Variants in TRAPPC9 observed in about 807,000 individuals in gnomAD.
The protein encoded by TRAPPC9 is trafficking protein particle complex subunit 9.
TRAPPC9 carries 83 observed loss-of-function variants against 124.0 expected under a neutral mutation model. The ratio of observed to expected loss-of-function variants is 0.67; its 90% CI spans 0.56 to 0.80. TRAPPC9 has a LOEUF of 0.80. Ranked by LOEUF, TRAPPC9 falls within the 30% of genes least tolerant of loss-of-function variation. The pLI is 0.00. For missense variants in TRAPPC9, 1,302 were observed against 1,508.3 expected (o/e 0.86, Z 2.27); for synonymous variants, 638 against 617.5 (o/e 1.03, Z -0.49).
At position 140,177,621 on chromosome 8, in the gene TRAPPC9, G is replaced by GA. The variant is rs570498268; in HGVS notation, c.2556+43837dup. Among the ~76,000 whole-genome samples, 335 of 149,888 alleles carry GA rather than the reference G, an allele frequency of 2.2e-3. 1 individual carries two copies. The highest frequency in any genetic ancestry group is 7.6e-3 in the African/African-American group (312 of 40,874). On this transcript the variant is annotated intron_variant, in intron 17 of 22. Coordinates refer to ENST00000438773, the MANE Select transcript of TRAPPC9 (RefSeq NM_001160372.4). ...TTAGAATAAAGCAATCAATTTCTAAGAAAAAAAAACAAGCCTGCTGGAATT... is the reference window on the plus strand; with the variant it reads ...TTAGAATAAAGCAATCAATTTCTAAGAAAAAAAAAACAAGCCTGCTGGAATT...
chr8:140,345,058 A>C (rs1391703118), intron 9 of TRAPPC9, among the ~76,000 whole-genome samples: 1 of 152,176 alleles, frequency 6.6e-6, no homozygotes, highest in African/African-American at 2.4e-5. Context: ...AGGGAAGCGA[A>C]GGCAGGGTGG....
intron 21 of TRAPPC9, among the ~76,000 whole-genome samples, chr8:139,797,598 C>G (rs890194695): frequency 6.6e-6 from 1 of 152,042 alleles, no homozygotes; most frequent in African/African-American, 2.4e-5. Context: ...CTTCTTGTGC[C>G]CTACCTAGGA....
chr8:139,950,746 A>G (rs1020812804), intron 19 of TRAPPC9, among the ~76,000 whole-genome samples: 1 of 152,198 alleles, frequency 6.6e-6, no homozygotes, highest in African/African-American at 2.4e-5. Flanking sequence ...CAACTTAAAC[A>G]CTGGTGAAAA....
intron 21 of TRAPPC9, among the ~76,000 whole-genome samples, chr8:139,772,829 T>C (rs1821070683): frequency 6.6e-6 from 1 of 151,762 alleles, no homozygotes; most frequent in Non-Finnish European, 1.5e-5. Flanking sequence ...GGTGTCATTA[T>C]AAGAGGAGAT....
chr8:140,342,093 G>A (rs2067212164), intron 9 of TRAPPC9, among the ~76,000 whole-genome samples: 1 of 152,222 alleles, frequency 6.6e-6, no homozygotes, highest in Non-Finnish European at 1.5e-5. Context: ...AGAAGTGGCA[G>A]AGTCCAGGCT....
At chr8:140,358,355 G>A (rs2132163199) in intron 9 of TRAPPC9, among the ~76,000 whole-genome samples, 1 of 152,292 alleles carries the variant, frequency 6.6e-6, no homozygotes, top group South Asian at 2.1e-4. Context: ...ACAGGGGCCT[G>A]CCACCATGCC....
chr8:140,145,101 C>G (rs774207312), intron 17 of TRAPPC9, among the ~76,000 whole-genome samples: 1 of 151,892 alleles, frequency 6.6e-6, no homozygotes, highest in Non-Finnish European at 1.5e-5. Context: ...GTCTCAAACT[C>G]CTGACCTCAG....
intron 6 of TRAPPC9, 145 bp from the exon 7 acceptor site, chr8:140,397,890 G>C: frequency 1.9e-6 from 2 of 1,066,286 alleles, no homozygotes; most frequent in South Asian, 2.6e-5. Context: ...ATATGGTTTG[G>C]TTCTGTGTCC....
chr8:140,135,615 G>A (rs1001949695), intron 17 of TRAPPC9, among the ~76,000 whole-genome samples: 1 of 152,184 alleles, frequency 6.6e-6, no homozygotes, highest in Non-Finnish European at 1.5e-5. Flanking sequence ...TAGATTAGAG[G>A]TTACCAGGTG....
intron 22 of TRAPPC9, among the ~76,000 whole-genome samples, chr8:139,731,608 C>T (rs530608417): frequency 7.2e-5 from 11 of 152,082 alleles, no homozygotes; most frequent in African/African-American, 2.4e-4. Context: ...GGGCTGAGGG[C>T]GTAGGGCTGG....
chr8:139,889,819 G>A (rs1348306603), intron 20 of TRAPPC9, among the ~76,000 whole-genome samples: 4 of 152,202 alleles, frequency 2.6e-5, no homozygotes, highest in African/African-American at 9.6e-5. Context: ...CAGCCCCCCT[G>A]CGGCCCCCTC....
chr8:140,218,941 C>T (rs1350068438), intron 17 of TRAPPC9, among the ~76,000 whole-genome samples: 3 of 151,100 alleles, frequency 2.0e-5, no homozygotes, highest in Non-Finnish European at 4.4e-5. Flanking sequence ...GCCTAGGTGA[C>T]AGAACGAGAC....
chr8:140,268,611 C>T (rs1041632455), intron 15 of TRAPPC9, among the ~76,000 whole-genome samples: 6 of 152,046 alleles, frequency 3.9e-5, no homozygotes, highest in African/African-American at 7.3e-5. Flanking sequence ...GTTTTTATGC[C>T]GGCTCCTCGT....
chr8:139,754,334 A>G (rs1049251497), intron 21 of TRAPPC9, among the ~76,000 whole-genome samples: 34 of 152,308 alleles, frequency 2.2e-4, no homozygotes, highest in Middle Eastern at 3.4e-3. Flanking sequence ...GTCAGTTTGT[A>G]TCACCTGGGG....
intron 10 of TRAPPC9, among the ~76,000 whole-genome samples, chr8:140,309,488 G>A (rs962153505): frequency 5.9e-5 from 9 of 152,186 alleles, no homozygotes; most frequent in African/African-American, 1.7e-4. Context: ...TGCAAGGACC[G>A]ATCATCCCCA....
chr8:139,956,364 T>C (rs1834984787), intron 19 of TRAPPC9, among the ~76,000 whole-genome samples: 1 of 152,140 alleles, frequency 6.6e-6, no homozygotes, highest in African/African-American at 2.4e-5. Context: ...GGTTTCACTA[T>C]GTTTGCCACG....
intron 17 of TRAPPC9, among the ~76,000 whole-genome samples, chr8:140,129,710 C>A (rs1420951159): frequency 6.6e-6 from 1 of 150,814 alleles, no homozygotes; most frequent in African/African-American, 2.5e-5. Context: ...CCAGCTTTCT[C>A]CCCAAGAGAA....
intron 21 of TRAPPC9, among the ~76,000 whole-genome samples, chr8:139,805,235 G>T (rs1158719833): frequency 6.6e-6 from 1 of 152,228 alleles, no homozygotes; most frequent in Non-Finnish European, 1.5e-5. Flanking sequence ...GGTAGTTTCA[G>T]TGGCTTTGTG....
At chr8:140,037,791 C>T (rs1840997762) in intron 17 of TRAPPC9, among the ~76,000 whole-genome samples, 1 of 147,312 alleles carries the variant, frequency 6.8e-6, no homozygotes, top group Non-Finnish European at 1.5e-5. Context: ...ATGCACACCA[C>T]ACGCACACCC....
Sources: allele counts gnomAD v4.1 joint callset (sites outside exome capture counted in the v4.1 genomes callset), GRCh38; gene constraint gnomAD v4.1.1; transcripts MANE v1.5; gene names NCBI Gene and HGNC (gene_info 2026-07-23, HGNC 2026-07-21).